The following PITPNC1 variants were observed in gnomAD, a reference collection of about 807,000 sequenced individuals.
PITPNC1 encodes the protein cytoplasmic phosphatidylinositol transfer protein 1.
PITPNC1 carries 18 observed loss-of-function variants against 44.7 expected under a neutral mutation model. That is an observed-to-expected ratio of 0.40 (90% CI 0.28 to 0.60). PITPNC1 has a LOEUF of 0.60. Among genes scored for constraint, PITPNC1 ranks in the 20% least tolerant of loss-of-function variants. The pLI is 0.39. For synonymous variants in PITPNC1, 141 were observed against 149.6 expected, an observed-to-expected ratio of 0.94 and a Z score of 0.42; for missense variants, 290 against 418.4, an observed-to-expected ratio of 0.69 and a Z score of 2.68.
intron 1 of PITPNC1, among the ~76,000 whole-genome samples, chr17:67,466,281 C>T (rs1002125156): frequency 2.6e-5 from 4 of 152,090 alleles, no homozygotes; most frequent in Non-Finnish European, 5.9e-5. Flanking sequence ...CTGTCTTGAC[C>T]TCCCAAAGCA....
intron 1 of PITPNC1, among the ~76,000 whole-genome samples, chr17:67,420,728 G>A (rs1330165129): frequency 6.6e-6 from 1 of 152,118 alleles, no homozygotes; most frequent in South Asian, 2.1e-4. Flanking sequence ...CACTGCGCCC[G>A]GCCTCACTTC....
chr17:67,600,210 A>T (rs2144272169), intron 5 of PITPNC1, among the ~76,000 whole-genome samples: 1 of 152,242 alleles, frequency 6.6e-6, no homozygotes, highest in African/African-American at 2.4e-5. Context: ...GGCAACTGTA[A>T]AACCTAGAGA....
chr17:67,637,547 T>C (rs1043351286), intron 6 of PITPNC1, among the ~76,000 whole-genome samples: 2 of 152,106 alleles, frequency 1.3e-5, no homozygotes, highest in African/African-American at 4.8e-5. Flanking sequence ...GCACTTTCCT[T>C]TCTTTTTCCA....
intron 1 of PITPNC1, among the ~76,000 whole-genome samples, chr17:67,427,855 T>C (rs2038794725): frequency 6.6e-6 from 1 of 152,226 alleles, no homozygotes. Flanking sequence ...AGAAATCAAT[T>C]CCAACTCTTG....
At chr17:67,388,343 T>TC (rs770176739) in intron 1 of PITPNC1, among the ~76,000 whole-genome samples, 15 of 150,540 alleles carry the variant, frequency 1.0e-4, no homozygotes, top group Admixed American at 2.0e-4. Flanking sequence ...TTTTTTTTTT[T>TC]CCCTTGGAGT....
At chr17:67,550,020 G>A (rs1005700670) in intron 2 of PITPNC1, among the ~76,000 whole-genome samples, 13 of 152,096 alleles carry the variant, frequency 8.5e-5, no homozygotes, top group African/African-American at 3.1e-4. Flanking sequence ...TCCTGCACGC[G>A]AGCCAGTGTA....
At chr17:67,461,039 G>A (rs775003515) in intron 1 of PITPNC1, among the ~76,000 whole-genome samples, 5 of 152,064 alleles carry the variant, frequency 3.3e-5, no homozygotes, top group Admixed American at 2.0e-4. Flanking sequence ...CACTGCGCCC[G>A]GCCAGTGTGA....
intron 4 of PITPNC1, among the ~76,000 whole-genome samples, chr17:67,576,295 G>A (rs1240876709): frequency 6.6e-6 from 1 of 152,110 alleles, no homozygotes; most frequent in African/African-American, 2.4e-5. Context: ...GGCTGCATGA[G>A]ACTGTAGGCC....
intron 5 of PITPNC1, among the ~76,000 whole-genome samples, chr17:67,603,513 C>A (rs1393490772): frequency 1.3e-5 from 2 of 152,176 alleles, no homozygotes; most frequent in East Asian, 1.9e-4. Flanking sequence ...TGAGAGCCAG[C>A]GGTCTGCACA....
intron 1 of PITPNC1, among the ~76,000 whole-genome samples, chr17:67,479,827 G>A (rs768718795): frequency 5.9e-5 from 9 of 152,120 alleles, no homozygotes; most frequent in Non-Finnish European, 1.2e-4. Flanking sequence ...CTGAGTAAAG[G>A]CATTTTCTTC....
At chr17:67,615,757 C>G (rs139135293) in intron 5 of PITPNC1, among the ~76,000 whole-genome samples, 2 of 152,092 alleles carry the variant, frequency 1.3e-5, no homozygotes, top group South Asian at 4.1e-4. Flanking sequence ...TAAGAAGGAA[C>G]GGGGAGAAAT....
intron 1 of PITPNC1, among the ~76,000 whole-genome samples, chr17:67,511,982 G>A (rs955937395): frequency 1.3e-5 from 2 of 152,088 alleles, no homozygotes; most frequent in African/African-American, 4.8e-5. Context: ...CTAAATTTCT[G>A]CCTGGTCTCC....
intron 1 of PITPNC1, among the ~76,000 whole-genome samples, chr17:67,490,657 A>G (rs1215641310): frequency 6.6e-6 from 1 of 152,160 alleles, no homozygotes; most frequent in Non-Finnish European, 1.5e-5. Flanking sequence ...ATCAGTAAAT[A>G]AAAGGATACG....
intron 1 of PITPNC1, among the ~76,000 whole-genome samples, chr17:67,470,748 T>C (rs950832158): frequency 2.6e-5 from 4 of 151,856 alleles, no homozygotes; most frequent in Admixed American, 6.6e-5. Context: ...ATGGCGGCTT[T>C]GTGGAATAGA....
intron 6 of PITPNC1, among the ~76,000 whole-genome samples, chr17:67,649,630 A>G (rs1296254369): frequency 6.6e-6 from 1 of 152,070 alleles, no homozygotes; most frequent in Non-Finnish European, 1.5e-5. Context: ...CATTCCTACA[A>G]TCCCAGCACT....
At chr17:67,572,424 T>G (rs1425930310) in intron 4 of PITPNC1, among the ~76,000 whole-genome samples, 1 of 126,944 alleles carries the variant, frequency 7.9e-6, no homozygotes, top group Non-Finnish European at 1.6e-5. Flanking sequence ...TGAGCAAACC[T>G]AAACTAAAGG....
chr17:67,425,665 G>GCA (rs1278721321), intron 1 of PITPNC1, among the ~76,000 whole-genome samples: 1 of 151,132 alleles, frequency 6.6e-6, no homozygotes, highest in Admixed American at 6.6e-5. Context: ...GGGACCAGAG[G>GCA]CACACACCAC....
intron 1 of PITPNC1, among the ~76,000 whole-genome samples, chr17:67,467,039 T>G (rs1239486269): frequency 1.3e-5 from 2 of 150,968 alleles, no homozygotes; most frequent in African/African-American, 4.9e-5. Flanking sequence ...AAAAGGGACC[T>G]GAGCCAGTTA....
chr17:67,583,865 T>TGTGTGTGTGTGTGTGTGTGTGTG (rs1568051977), intron 5 of PITPNC1, among the ~76,000 whole-genome samples: 1 of 118,346 alleles, frequency 8.4e-6, no homozygotes. Flanking sequence ...CTGGCTAATT[T>TGTGTGTGTGTGTGTGTGTGTGTG]TGTGTGTGTG....
Sources: gnomAD v4.1 joint callset for allele counts (sites outside exome capture counted in the v4.1 genomes callset) on GRCh38, gnomAD v4.1.1 for gene constraint, MANE v1.5 for transcripts, NCBI Gene and HGNC (gene_info 2026-07-23, HGNC 2026-07-21) for gene names.